CLINT1: variants seen among roughly 807,000 people sequenced by gnomAD.
The protein encoded by CLINT1 is clathrin interacting protein localized in the trans-Golgi region.
A neutral mutation model predicts 70.4 loss-of-function variants in CLINT1; 15 were observed. That is an observed-to-expected ratio of 0.21 (90% CI 0.14 to 0.33). The LOEUF is 0.33. Ranked by LOEUF, CLINT1 falls within the 10% of genes least tolerant of loss-of-function variation. The pLI is 1.00. For missense variants in CLINT1, 615 were observed against 778.1 expected (o/e 0.79, Z 2.49); for synonymous variants, 227 against 254.7 (o/e 0.89, Z 1.04).
intron 8 of CLINT1, among the ~76,000 whole-genome samples, chr5:157,797,478 C>T (rs865855612): frequency 1.3e-5 from 2 of 152,140 alleles, no homozygotes; most frequent in Non-Finnish European, 2.9e-5. Context: ...CTCCGCCTGC[C>T]AGGTTTAAGT....
At chr5:157,801,031 T>A (rs1036546787) in intron 8 of CLINT1, among the ~76,000 whole-genome samples, 2 of 152,256 alleles carry the variant, frequency 1.3e-5, no homozygotes, top group Non-Finnish European at 2.9e-5. Context: ...TATGACTACA[T>A]GCTAACTACC....
chr5:157,794,378 C>A (rs1429535590), intron 9 of CLINT1, among the ~76,000 whole-genome samples: 5 of 151,828 alleles, frequency 3.3e-5, no homozygotes, highest in African/African-American at 1.2e-4. Context: ...AAATTCTATT[C>A]TAATAAAGAA....
At chr5:157,796,275 TAC>T (rs1356668846) in intron 8 of CLINT1, 2 of 152,246 alleles carry the variant, frequency 1.3e-5, no homozygotes, top group African/African-American at 2.4e-5. Context: ...TGCGTAACAT[TAC>T]ATTCTGACAT....
At chr5:157,806,964 GA>G (rs34673155) in intron 6 of CLINT1, among the ~76,000 whole-genome samples, 1 of 23,468 alleles carries the variant, frequency 4.3e-5, no homozygotes, top group African/African-American at 3.9e-4. Flanking sequence ...ATGTAAGTAG[GA>G]GAGAGAGAGA....
In CLINT1 at chr5:157,791,843, G is replaced by A; in HGVS notation, c.1240C>T (p.Pro414Ser). Reference sequence around the variant, plus strand: ...TCTGAAGAATTTGAGGCAGCAGGAGGTGGGCCTAGAGCTGATTGTGAGCCA... The same window carrying A: ...TCTGAAGAATTTGAGGCAGCAGGAGATGGGCCTAGAGCTGATTGTGAGCCA... ...VSGSQSALGP[P>S]PAASNSSDLF... Residue 414 changes from proline (P) to serine (S), a missense_variant, in exon 10 of 12, where the codon CCT (proline) becomes TCT (serine). Around this residue, in one of 2 missense-constraint regions of CLINT1, gnomAD observed 374 missense variants for 409.6 expected, o/e 0.91. Transcript: ENST00000411809. The A allele has an allele frequency of 6.2e-7, 1 of 1,613,976 alleles. No individual in the cohort carries two copies. The highest frequency in any genetic ancestry group is 1.1e-5 in the South Asian group (1 of 91,078).
At chr5:157,791,079 G>C (rs1313350795) in intron 10 of CLINT1, among the ~76,000 whole-genome samples, 2 of 151,604 alleles carry the variant, frequency 1.3e-5, no homozygotes, top group African/African-American at 2.4e-5. Context: ...TTTTTTTTGA[G>C]ACGGAGTATC....
chr5:157,790,754 C>A, intron 10 of CLINT1: 2 of 381,576 alleles, frequency 5.2e-6, no homozygotes, highest in South Asian at 4.0e-5. Flanking sequence ...ATTTTCCAAG[C>A]CTGCACTTGT....
intron 1 of CLINT1, among the ~76,000 whole-genome samples, chr5:157,834,507 A>T (rs1313268873): frequency 6.6e-6 from 1 of 152,206 alleles, no homozygotes; most frequent in Admixed American, 6.5e-5. Flanking sequence ...TTGAACTGGT[A>T]ATCAGAACCT....
At chr5:157,839,123 G>A (rs1367662636) in intron 1 of CLINT1, among the ~76,000 whole-genome samples, 2 of 152,098 alleles carry the variant, frequency 1.3e-5, no homozygotes, top group Admixed American at 1.3e-4. Context: ...CAGGTACTAG[G>A]GAGGCTGAGG....
chr5:157,853,777 CAAAAAA>C (rs11316474), intron 1 of CLINT1, among the ~76,000 whole-genome samples: 31 of 48,042 alleles, frequency 6.5e-4, no homozygotes, highest in Non-Finnish European at 1.1e-3. Flanking sequence ...GACACCATCT[CAAAAAA>C]AAAAAAAAAA....
At chr5:157,850,780 TTC>T (rs1475235307) in intron 1 of CLINT1, among the ~76,000 whole-genome samples, 1 of 152,044 alleles carries the variant, frequency 6.6e-6, no homozygotes, top group African/African-American at 2.4e-5. Context: ...ATTAGCATTG[TTC>T]TTTTTTTTAA....
chr5:157,802,955 T>C (rs1276503393), intron 8 of CLINT1, among the ~76,000 whole-genome samples: 1 of 152,278 alleles, frequency 6.6e-6, no homozygotes, highest in Non-Finnish European at 1.5e-5. Flanking sequence ...CTCTGATTAA[T>C]GATTATTTTC....
At chr5:157,834,360 G>A (rs916293143) in intron 1 of CLINT1, among the ~76,000 whole-genome samples, 27 of 142,798 alleles carry the variant, frequency 1.9e-4, no homozygotes, top group African/African-American at 6.1e-4. Context: ...GCAACAGAGC[G>A]ATTAAAAAAA....
chr5:157,803,452 G>T (rs1468455278), intron 8 of CLINT1, among the ~76,000 whole-genome samples, 198 bp downstream of exon 8: 1 of 152,100 alleles, frequency 6.6e-6, no homozygotes, highest in Non-Finnish European at 1.5e-5. Flanking sequence ...GTATAAAATA[G>T]GGATAGAGAA....
At chr5:157,805,630 A>C (rs552424065) in intron 7 of CLINT1, among the ~76,000 whole-genome samples, 19 of 152,270 alleles carry the variant, frequency 1.2e-4, no homozygotes, top group African/African-American at 4.6e-4. Flanking sequence ...AACCTTCCCC[A>C]AACAAACCAA....
In CLINT1 at chr5:157,817,522, C is replaced by G. The variant is rs1473951994; in HGVS notation, c.67G>C (p.Glu23Gln). ...GCCTCTCGAACCTTAGACTCGATCT[C>G]TGAATAATTCATAACAACATTGGTG... ...KATNVVMNYS[E>Q]IESKVREATN... The change falls in exon 2 of 12, where the codon GAG (glutamate) becomes CAG (glutamine). Residue 23 changes from glutamate (E) to glutamine (Q), a missense_variant. By Grantham distance (29) the Glu-to-Gln change is conservative (BLOSUM62 2). Transcript: ENST00000411809. The G allele has an allele frequency of 6.2e-7, 1 of 1,602,520 alleles. No individual in the cohort carries two copies. The highest frequency in any genetic ancestry group is 8.5e-7 in the Non-Finnish European group (1 of 1,173,956).
chr5:157,815,190 C>A (rs1465830466), intron 3 of CLINT1, among the ~76,000 whole-genome samples: 2 of 151,612 alleles, frequency 1.3e-5, no homozygotes, highest in Non-Finnish European at 2.9e-5. Flanking sequence ...GTCCTAGCTA[C>A]TTAGGAGGTT....
intron 1 of CLINT1, among the ~76,000 whole-genome samples, chr5:157,833,148 C>A (rs1763300845): frequency 6.6e-6 from 1 of 152,100 alleles, no homozygotes; most frequent in African/African-American, 2.4e-5. Flanking sequence ...GTCAGGAAAT[C>A]GAGACCAGCC....
At chr5:157,836,875 A>G (rs1376938353) in intron 1 of CLINT1, among the ~76,000 whole-genome samples, 2 of 152,232 alleles carry the variant, frequency 1.3e-5, no homozygotes, top group African/African-American at 4.8e-5. Flanking sequence ...TTCGTAACAC[A>G]GAATGTATAA....
Sources: allele counts gnomAD v4.1 joint callset (sites outside exome capture counted in the v4.1 genomes callset), GRCh38; gene constraint gnomAD v4.1.1; regional missense constraint gnomAD v4.1.1; transcripts MANE v1.5; gene names NCBI Gene and HGNC (gene_info 2026-07-23, HGNC 2026-07-21).